Variants in DLG2 observed in about 807,000 individuals in gnomAD.
The protein encoded by DLG2 is discs large MAGUK scaffold protein 2, also known as disks large homolog 2.
In DLG2, 45 loss-of-function variants were observed where a neutral mutation model predicts 132.5. The observed-to-expected ratio is 0.34, with a 90% CI of 0.27 to 0.44. The LOEUF is 0.44. Ranked by LOEUF, DLG2 falls within the 20% of genes least tolerant of loss-of-function variation. DLG2 has a pLI of 1.00. For missense variants in DLG2, 1,045 were observed against 1,196.9 expected (o/e 0.87, Z 1.87); for synonymous variants, 424 against 419.6 (o/e 1.01, Z -0.13).
At chr11:85,354,337 A>G (rs1486239644) in intron 3 of DLG2, among the ~76,000 whole-genome samples, 1 of 152,156 alleles carries the variant, frequency 6.6e-6, no homozygotes, top group African/African-American at 2.4e-5. Flanking sequence ...CACTCATCAG[A>G]TATTACCTAC....
At chr11:84,696,861 C>T (rs964966454) in intron 6 of DLG2, among the ~76,000 whole-genome samples, 1 of 151,168 alleles carries the variant, frequency 6.6e-6, no homozygotes. Flanking sequence ...TATCTTAATC[C>T]TCAAAATTTC....
At chr11:83,852,191 C>T (rs7943773) in intron 16 of DLG2, among the ~76,000 whole-genome samples, 143,632 of 152,276 alleles carry the variant, frequency 0.94, 67,893 homozygotes, top group Non-Finnish European at 0.96. Flanking sequence ...GTTTGAGTAG[C>T]TTGTTATCTG....
At chr11:85,192,205 C>G (rs576955444) in intron 4 of DLG2, among the ~76,000 whole-genome samples, 2 of 152,154 alleles carry the variant, frequency 1.3e-5, no homozygotes, top group Non-Finnish European at 2.9e-5. Context: ...TACTTAACTT[C>G]TTTGTGCATT....
chr11:83,887,019 T>G (rs1008048747), intron 15 of DLG2, among the ~76,000 whole-genome samples: 3 of 152,002 alleles, frequency 2.0e-5, no homozygotes, highest in Admixed American at 1.3e-4. Flanking sequence ...ATTGACACCC[T>G]AACATCACAA....
At chr11:84,286,390 G>A (rs749594893) in intron 7 of DLG2, among the ~76,000 whole-genome samples, 3 of 152,134 alleles carry the variant, frequency 2.0e-5, no homozygotes, top group Admixed American at 6.5e-5. Flanking sequence ...GAGTAAATTT[G>A]CTTTCATCAT....
intron 6 of DLG2, among the ~76,000 whole-genome samples, chr11:84,752,554 TTTTC>T (rs1241921170): frequency 3.4e-5 from 5 of 145,034 alleles, no homozygotes; most frequent in African/African-American, 5.2e-5. Flanking sequence ...GCTTCTTTGG[TTTTC>T]TTTTTCTTTT....
intron 3 of DLG2, among the ~76,000 whole-genome samples, chr11:85,383,704 A>G (rs1433301413): frequency 1.3e-5 from 2 of 152,170 alleles, no homozygotes; most frequent in Non-Finnish European, 2.9e-5. Flanking sequence ...AATAACAATG[A>G]TTTTCAGAAA....
At chr11:84,275,480 G>A (rs1224388242) in intron 7 of DLG2, among the ~76,000 whole-genome samples, 1 of 152,080 alleles carries the variant, frequency 6.6e-6, no homozygotes, top group East Asian at 1.9e-4. Flanking sequence ...TTAGCCTCCT[G>A]AGTAGCTGGG....
chr11:84,393,705 T>G (rs1277061957), intron 7 of DLG2, among the ~76,000 whole-genome samples: 1 of 152,164 alleles, frequency 6.6e-6, no homozygotes, highest in Non-Finnish European at 1.5e-5. Flanking sequence ...TTTTTCTTTC[T>G]TTTAGATGAC....
At chr11:84,019,806 G>C (rs1364922925) in intron 11 of DLG2, among the ~76,000 whole-genome samples, 4 of 152,154 alleles carry the variant, frequency 2.6e-5, no homozygotes, top group Non-Finnish European at 5.9e-5. Context: ...AGCTGGGAGA[G>C]AGTCATGGAA....
intron 11 of DLG2, among the ~76,000 whole-genome samples, chr11:84,054,591 T>A (rs945132027): frequency 6.6e-6 from 1 of 152,082 alleles, no homozygotes; most frequent in African/African-American, 2.4e-5. Flanking sequence ...TATCCATTAC[T>A]GAAATATATG....
chr11:84,515,171 A>T (rs1321316793), intron 7 of DLG2, among the ~76,000 whole-genome samples: 1 of 151,824 alleles, frequency 6.6e-6, no homozygotes, highest in Admixed American at 6.6e-5. Context: ...CAAGAAAATA[A>T]TTCATACAAT....
intron 4 of DLG2, among the ~76,000 whole-genome samples, chr11:85,209,079 A>G (rs149173904): frequency 4.1e-4 from 63 of 152,270 alleles, no homozygotes; most frequent in African/African-American, 1.5e-3. Flanking sequence ...CAAGGATTCT[A>G]GTCCTAAATC....
At chr11:84,920,915 T>C (rs2092722478) in intron 6 of DLG2, among the ~76,000 whole-genome samples, 3 of 152,070 alleles carry the variant, frequency 2.0e-5, no homozygotes, top group African/African-American at 7.2e-5. Flanking sequence ...AGACGAAAAA[T>C]GTTTCTATCC....
At chr11:83,878,750 G>C (rs1260260357) in intron 15 of DLG2, among the ~76,000 whole-genome samples, 2 of 152,164 alleles carry the variant, frequency 1.3e-5, no homozygotes, top group African/African-American at 4.8e-5. Context: ...ATGAGCATGA[G>C]GGAGGCTCAG....
At chr11:84,755,624 C>T (rs1249291280) in intron 6 of DLG2, among the ~76,000 whole-genome samples, 1 of 152,186 alleles carries the variant, frequency 6.6e-6, no homozygotes, top group African/African-American at 2.4e-5. Context: ...GGGGTTACAC[C>T]GTGTTAGCCA....
At chr11:85,257,799 A>G (rs1339997904) in intron 4 of DLG2, among the ~76,000 whole-genome samples, 2 of 152,206 alleles carry the variant, frequency 1.3e-5, no homozygotes, top group Non-Finnish European at 2.9e-5. Flanking sequence ...ATGAAACAAC[A>G]AAAAAGAGAA....
intron 6 of DLG2, among the ~76,000 whole-genome samples, chr11:84,600,243 G>GAAAGA (rs1565420863): frequency 2.1e-3 from 205 of 99,252 alleles, no homozygotes; most frequent in African/African-American, 5.8e-3. Context: ...AGACAGAAAA[G>GAAAGA]CAAGCAAGCA....
At chr11:83,668,782 T>C (rs142340199) in intron 18 of DLG2, among the ~76,000 whole-genome samples, 1,613 of 134,902 alleles carry the variant, frequency 0.012, 87 homozygotes, top group Admixed American at 0.072. Flanking sequence ...CACACATATA[T>C]ATGTGTATAT....
Sources: allele counts gnomAD v4.1 joint callset (sites outside exome capture counted in the v4.1 genomes callset), GRCh38; gene constraint gnomAD v4.1.1; transcripts MANE v1.5; gene names NCBI Gene and HGNC (gene_info 2026-07-23, HGNC 2026-07-21).